MAP2K5: variants seen among roughly 807,000 people sequenced by gnomAD.
MAP2K5 encodes dual specificity mitogen-activated protein kinase kinase 5.
In MAP2K5, 49 loss-of-function variants were observed where a neutral mutation model predicts 83.1. The observed-to-expected ratio is 0.59, with a 90% confidence interval of 0.47 to 0.75. MAP2K5 has a LOEUF of 0.75. Ranked by LOEUF, MAP2K5 falls within the 30% of genes least tolerant of loss-of-function variation. MAP2K5 has a pLI of 0.00. For missense variants in MAP2K5, 457 were observed against 557.5 expected (o/e 0.82, Z 1.82); for synonymous variants, 202 against 191.8 (o/e 1.05, Z -0.44).
chr15:67,791,053 A>G (rs2090508664), intron 21 of MAP2K5, among the ~76,000 whole-genome samples: 1 of 152,222 alleles, frequency 6.6e-6, no homozygotes, highest in African/African-American at 2.4e-5. Context: ...CACGCCATGA[A>G]TAGTCCACCT....
At position 67,717,061 on chromosome 15, in the gene MAP2K5, TC is replaced by T. The variant is rs1318215286; in HGVS notation, c.1045-10853del. Among the ~76,000 whole-genome samples, 1 of 152,200 alleles carries T rather than the reference TC, an allele frequency of 6.6e-6. No individual in the cohort carries two copies. The highest frequency in any genetic ancestry group is 1.5e-5 in the Non-Finnish European group (1 of 68,036). On this transcript the variant is annotated intron_variant, in intron 16 of 21. Transcript: ENST00000178640. The surrounding 1 kb of genome is among the most constrained non-coding windows in gnomAD (Gnocchi z 4.1). ...GACTCATGGATTCAAGTCTGCTTCT[TC>T]CATTATGCTTTAGGAAAGTAGATCA...
intron 16 of MAP2K5, among the ~76,000 whole-genome samples, chr15:67,727,653 A>G (rs2089128641): frequency 6.6e-6 from 1 of 152,230 alleles, no homozygotes; most frequent in South Asian, 2.1e-4. Context: ...AGCTGAGAAT[A>G]TTACTAAGGG....
chr15:67,756,562 T>TGTGTGTGTGTG (rs10678847), intron 19 of MAP2K5, among the ~76,000 whole-genome samples: 1 of 61,838 alleles, frequency 1.6e-5, no homozygotes, highest in Non-Finnish European at 3.6e-5. Context: ...TGTGTGTGTG[T>TGTGTGTGTGTG]TGATAACACT....
At chr15:67,721,668 T>C (rs968221464) in intron 16 of MAP2K5, among the ~76,000 whole-genome samples, 2 of 152,232 alleles carry the variant, frequency 1.3e-5, no homozygotes, top group African/African-American at 4.8e-5. Context: ...AAGCTGCTGG[T>C]GCCTCCATTG....
chr15:67,606,072 T>A (rs771046769), intron 8 of MAP2K5, among the ~76,000 whole-genome samples: 3 of 152,238 alleles, frequency 2.0e-5, no homozygotes, highest in Non-Finnish European at 4.4e-5. Context: ...GCATAGTTAC[T>A]TTGGAAACAT....
Position 67,552,107 on chromosome 15 carries a change from C to A in MAP2K5, c.184+2025C>A, listed in dbSNP as rs1229022885. Among the ~76,000 whole-genome samples, 1 of 152,084 alleles carries A rather than the reference C, an allele frequency of 6.6e-6. No homozygotes were observed. The highest frequency in any genetic ancestry group is 2.4e-5 in the African/African-American group (1 of 41,404). On this transcript the variant is annotated intron_variant, in intron 2 of 21. Transcript: ENST00000178640. The surrounding 1 kb of genome is among the most constrained non-coding windows in gnomAD (Gnocchi z 4.2). ...GGGAGGGGGTGGATGAATGATCACA[C>A]TTTTTACTTTGTATGTTTCTCTATT...
chr15:67,661,642 T>G (rs991474676), intron 12 of MAP2K5, among the ~76,000 whole-genome samples: 15 of 152,176 alleles, frequency 9.9e-5, no homozygotes, highest in Non-Finnish European at 2.2e-4. Context: ...TTAGCAAATA[T>G]TATAAAATCA....
chr15:67,733,784 G>A (rs186107179), intron 17 of MAP2K5, among the ~76,000 whole-genome samples: 9 of 152,312 alleles, frequency 5.9e-5, no homozygotes, highest in Admixed American at 5.2e-4. Flanking sequence ...TAGATAATAA[G>A]TGAAAAATAT....
At chr15:67,683,784 C>T (rs2087881861) in intron 13 of MAP2K5, among the ~76,000 whole-genome samples, 2 of 152,200 alleles carry the variant, frequency 1.3e-5, no homozygotes, top group African/African-American at 4.8e-5. Context: ...AACAAACAAA[C>T]AAACAGATAC....
At chr15:67,634,075 A>G (rs1389176936) in intron 9 of MAP2K5, among the ~76,000 whole-genome samples, 1 of 151,996 alleles carries the variant, frequency 6.6e-6, no homozygotes, top group Non-Finnish European at 1.5e-5. Context: ...GTACACATGA[A>G]AAGAATGTAT....
chr15:67,679,710 C>T (rs1350844263), intron 13 of MAP2K5: 1 of 151,674 alleles, frequency 6.6e-6, no homozygotes, highest in Non-Finnish European at 1.5e-5. Context: ...AGAGAGTGAC[C>T]ACAGTGACCA....
intron 8 of MAP2K5, among the ~76,000 whole-genome samples, chr15:67,616,494 C>G (rs1397188125): frequency 6.6e-6 from 1 of 152,066 alleles, no homozygotes; most frequent in African/African-American, 2.4e-5. Context: ...CTATAAATCC[C>G]TAGGGCATTC....
At chr15:67,556,549 T>C (rs1192727174) in intron 2 of MAP2K5, among the ~76,000 whole-genome samples, 1 of 109,298 alleles carries the variant, frequency 9.1e-6, no homozygotes, top group Non-Finnish European at 1.7e-5. Context: ...CTTTTTCTTT[T>C]CTTTCTTTTT....
intron 13 of MAP2K5, among the ~76,000 whole-genome samples, chr15:67,667,419 GAAT>G (rs1249224860): frequency 6.6e-6 from 1 of 152,078 alleles, no homozygotes; most frequent in Non-Finnish European, 1.5e-5. Flanking sequence ...TTCTCTAAAT[GAAT>G]GATGATGGGA....
chr15:67,694,265 A>G (rs1030261636), intron 15 of MAP2K5, among the ~76,000 whole-genome samples: 2 of 152,310 alleles, frequency 1.3e-5, no homozygotes, highest in African/African-American at 2.4e-5. Flanking sequence ...AAAAAATTAA[A>G]CAGGAAACTT....
intron 9 of MAP2K5, among the ~76,000 whole-genome samples, chr15:67,633,703 A>C (rs1472629692): frequency 6.6e-6 from 1 of 152,232 alleles, no homozygotes; most frequent in Non-Finnish European, 1.5e-5. Flanking sequence ...GATTCTATAA[A>C]ATATAGTAGA....
intron 8 of MAP2K5, among the ~76,000 whole-genome samples, chr15:67,619,100 A>T (rs1475613043): frequency 6.6e-6 from 1 of 152,044 alleles, no homozygotes; most frequent in Non-Finnish European, 1.5e-5. Flanking sequence ...TCAAGCACAC[A>T]TTTCCACCTT....
intron 21 of MAP2K5, among the ~76,000 whole-genome samples, chr15:67,799,496 G>T (rs1194779047): frequency 6.6e-6 from 1 of 152,270 alleles, no homozygotes; most frequent in African/African-American, 2.4e-5. Context: ...GGGTGAGGAA[G>T]CTGCAGACAG....
intron 8 of MAP2K5, among the ~76,000 whole-genome samples, chr15:67,619,941 G>A (rs2899727): frequency 0.83 from 126,380 of 152,186 alleles, 53,404 homozygotes; most frequent in Middle Eastern, 0.93. Flanking sequence ...ATGGTGGTTC[G>A]CTCCTGTAGA....
Sources: allele counts gnomAD v4.1 joint callset (sites outside exome capture counted in the v4.1 genomes callset), GRCh38; gene constraint gnomAD v4.1.1; non-coding constraint Gnocchi (gnomAD v3.1); transcripts MANE v1.5; gene names NCBI Gene and HGNC (gene_info 2026-07-23, HGNC 2026-07-21).